The following ITPR1 variants were observed in gnomAD, a reference collection of about 807,000 sequenced individuals.
ITPR1 encodes the protein inositol 1,4,5-trisphosphate-gated calcium channel ITPR1.
In ITPR1, 96 loss-of-function variants were observed where a neutral mutation model predicts 318.4. The observed-to-expected ratio is 0.30, with a 90% CI of 0.26 to 0.36. The LOEUF (loss-of-function observed/expected upper bound fraction) is 0.36. ITPR1 is among the 10% of genes least tolerant of loss of function. ITPR1 has a pLI of 1.00. For synonymous variants in ITPR1, 1,312 were observed against 1,289.9 expected (o/e 1.02, Z -0.37); for missense variants, 2,440 against 3,460.2 (o/e 0.71, Z 7.40).
intron 44 of ITPR1, among the ~76,000 whole-genome samples, chr3:4,747,319 G>A (rs897930233): frequency 6.6e-6 from 1 of 152,180 alleles, no homozygotes; most frequent in African/African-American, 2.4e-5. Flanking sequence ...TAGAGGATCC[G>A]AGAGGTCAGG....
chr3:4,787,915 A>G, intron 51 of ITPR1, 32 bp from the exon 52 acceptor site: 1 of 1,513,458 alleles, frequency 6.6e-7, no homozygotes, highest in South Asian at 1.2e-5. Flanking sequence ...TTCAAAGATG[A>G]ATATTTAATC....
At chr3:4,796,523 C>G (rs2047910114) in intron 53 of ITPR1, among the ~76,000 whole-genome samples, 1 of 152,174 alleles carries the variant, frequency 6.6e-6, no homozygotes, top group Non-Finnish European at 1.5e-5. Context: ...TCATGTTCCT[C>G]ACGGCAGATT....
At chr3:4,554,615 TTACA>T (rs1451364303) in intron 4 of ITPR1, among the ~76,000 whole-genome samples, 1 of 151,924 alleles carries the variant, frequency 6.6e-6, no homozygotes, top group Non-Finnish European at 1.5e-5. Flanking sequence ...TGGCTACAGG[TTACA>T]TCAACCCCCT....
intron 4 of ITPR1, among the ~76,000 whole-genome samples, chr3:4,526,672 T>C (rs1285300229): frequency 6.6e-6 from 1 of 152,262 alleles, no homozygotes; most frequent in Non-Finnish European, 1.5e-5. Flanking sequence ...CTATGAGGTG[T>C]AGGTCTTGAT....
chr3:4,793,238 C>A (rs375836446), intron 52 of ITPR1, among the ~76,000 whole-genome samples: 2 of 152,164 alleles, frequency 1.3e-5, no homozygotes, highest in South Asian at 2.1e-4. Context: ...AGTTGAAGAC[C>A]ATTTATTACA....
At chr3:4,752,070 C>T (rs1401679681) in intron 44 of ITPR1, among the ~76,000 whole-genome samples, 2 of 152,200 alleles carry the variant, frequency 1.3e-5, no homozygotes, top group African/African-American at 2.4e-5. Flanking sequence ...GGCTCTGACA[C>T]TGAAGGGGAT....
At position 4,805,731 on chromosome 3, in the gene ITPR1, T is replaced by A. The variant is rs529666959; in HGVS notation, c.7108-372T>A. Among the ~76,000 whole-genome samples, 26 of 152,264 alleles carry A rather than the reference T, an allele frequency of 1.7e-4. No individual in the cohort carries two copies. In the South Asian group the frequency reaches 5.4e-3, roughly 32 times the overall value. On this transcript the variant is annotated intron_variant, in intron 54 of 61. Transcript: ENST00000649015. The stretch of plus-strand genomic sequence containing the variant: ...GCTTTTGATCATGCTGATCACAGGG[T>A]TCGTGGATTGAGGTGACTTCTGTGT...
At chr3:4,667,337 T>G in intron 17 of ITPR1, 40 bp from the exon 18 acceptor site, 1 of 1,501,572 alleles carries the variant, frequency 6.7e-7, no homozygotes, top group South Asian at 1.2e-5. Context: ...ATATTGTCAT[T>G]TATCCTTCCT....
intron 10 of ITPR1, among the ~76,000 whole-genome samples, chr3:4,647,146 T>C (rs2093476532): frequency 6.6e-6 from 1 of 152,198 alleles, no homozygotes; most frequent in African/African-American, 2.4e-5. Flanking sequence ...AGTCATACAG[T>C]ATACAGTCTT....
chr3:4,621,227 G>A lies in ITPR1; in HGVS notation c.164-6536G>A, dbSNP rs112961908. ...ATTTCACAAGCTTTACAGGAAGCAC[G>A]ATGCTGGCATCTGCTTGGCTTCTAG... On this transcript the variant is annotated intron_variant, in intron 4 of 61. Transcript: ENST00000649015. Among the ~76,000 whole-genome samples the A allele has an allele frequency of 2.1e-3, 313 of 152,220 alleles. 2 individuals are homozygous for A. Among genetic ancestry groups the A allele is most frequent in the African/African-American group, 7.2e-3 (298 of 41,528 alleles).
chr3:4,642,035 G>T (rs2093350720), intron 6 of ITPR1, 58 bp from the exon 7 acceptor site: 3 of 1,383,978 alleles, frequency 2.2e-6, no homozygotes, highest in African/African-American at 2.9e-5. Flanking sequence ...TTGAGAGAAG[G>T]AATGGTAGAA....
At chr3:4,526,087 A>C (rs2082956367) in intron 4 of ITPR1, among the ~76,000 whole-genome samples, 6 of 152,206 alleles carry the variant, frequency 3.9e-5, no homozygotes, top group Admixed American at 3.9e-4. Flanking sequence ...TCAAAACCTA[A>C]TCTTCTCTGT....
At chr3:4,654,949 G>A (rs1026647555) in intron 12 of ITPR1, among the ~76,000 whole-genome samples, 2 of 152,100 alleles carry the variant, frequency 1.3e-5, no homozygotes, top group Admixed American at 1.3e-4. Flanking sequence ...GGTACCCGAG[G>A]CTCACCTTCC....
At chr3:4,619,699 TG>T in intron 4 of ITPR1, among the ~76,000 whole-genome samples, 1 of 3,698 alleles carries the variant, frequency 2.7e-4, no homozygotes, top group Non-Finnish European at 4.2e-4. Flanking sequence ...TGCTCTCCCC[TG>T]CTCTCCTCTG....
chr3:4,720,910 G>A (rs1017994602), intron 40 of ITPR1, among the ~76,000 whole-genome samples: 1 of 151,996 alleles, frequency 6.6e-6, no homozygotes, highest in Non-Finnish European at 1.5e-5. Context: ...TGAACTGCTG[G>A]GTTGGGTACC....
At chr3:4,659,537 T>A (rs7638904) in intron 13 of ITPR1, among the ~76,000 whole-genome samples, 8,906 of 151,720 alleles carry the variant, frequency 0.059, 479 homozygotes, top group African/African-American at 0.13. Flanking sequence ...AATGCAAAAA[T>A]TTAACCGGGC....
At chr3:4,661,698 T>G (rs951491848) in intron 14 of ITPR1, among the ~76,000 whole-genome samples, 2 of 152,230 alleles carry the variant, frequency 1.3e-5, no homozygotes, top group Non-Finnish European at 2.9e-5. Flanking sequence ...ATAGAAAAGT[T>G]GAAATAATGG....
chr3:4,779,540 C>T lies in ITPR1; in HGVS notation c.6292-10C>T. 2 of 1,607,826 alleles carry T rather than the reference C, an allele frequency of 1.2e-6. No individual in the cohort carries two copies. ...CTCTACATTTCCTCTCCCTTTGTTT[C>T]TCCAACTAGAACAATGCCTCGAAGT... On this transcript the variant is annotated splice_polypyrimidine_tract_variant and intron_variant, in intron 48 of 61. Transcript: ENST00000649015. The surrounding 1 kb of genome is among the most constrained non-coding windows in gnomAD (Gnocchi z 4.0).
At chr3:4,612,642 T>G (rs2092201939) in intron 4 of ITPR1, among the ~76,000 whole-genome samples, 1 of 152,062 alleles carries the variant, frequency 6.6e-6, no homozygotes, top group Non-Finnish European at 1.5e-5. Flanking sequence ...ATCCCAGCAC[T>G]TTTGGAGGCC....
Sources: allele counts gnomAD v4.1 joint callset (sites outside exome capture counted in the v4.1 genomes callset), GRCh38; gene constraint gnomAD v4.1.1; non-coding constraint Gnocchi (gnomAD v3.1); transcripts MANE v1.5; gene names NCBI Gene and HGNC (gene_info 2026-07-23, HGNC 2026-07-21).